The following STARD13 variants were observed in gnomAD, a reference collection of about 807,000 sequenced individuals.
STARD13 encodes the protein StAR related lipid transfer domain containing 13, also known as stAR-related lipid transfer protein 13.
A neutral mutation model predicts 106.4 loss-of-function variants in STARD13; 62 were observed. That is an observed-to-expected ratio of 0.58 (90% CI 0.48 to 0.72). The LOEUF (loss-of-function observed/expected upper bound fraction) is 0.72. Among genes scored for constraint, STARD13 ranks in the 30% least tolerant of loss-of-function variants. STARD13 has a pLI of 0.00. For missense variants in STARD13, 1,387 were observed against 1,424.0 expected (o/e 0.97, Z 0.42); for synonymous variants, 565 against 553.0 (o/e 1.02, Z -0.31).
the STARD13 span, among the ~76,000 whole-genome samples, chr13:33,443,490 T>A: frequency 6.6e-6 from 1 of 152,010 alleles, no homozygotes; most frequent in Non-Finnish European, 1.5e-5. Context: ...ACACACTCTA[T>A]TGCAACCCCG....
chr13:33,617,659 C>T, the STARD13 span, among the ~76,000 whole-genome samples: 1 of 152,116 alleles, frequency 6.6e-6, no homozygotes, highest in African/African-American at 2.4e-5. Context: ...ATAACATAAT[C>T]ATAGTAGTAA....
chr13:33,176,296 T>A (rs1884514239), intron 1 of STARD13, among the ~76,000 whole-genome samples: 1 of 152,204 alleles, frequency 6.6e-6, no homozygotes, highest in Non-Finnish European at 1.5e-5. Flanking sequence ...TGGCTCAGAG[T>A]GTAAATAAAA....
In STARD13 at chr13:33,129,857, T is replaced by C. The variant is rs777252075; in HGVS notation, c.820A>G (p.Arg274Gly). 3.1e-6 allele frequency: 5 copies of C among 1,612,754 alleles called. No homozygotes were observed. The African/African-American group carries it at 5.3e-5, about 17-fold the overall frequency. Reference sequence around the variant, plus strand: ...CCTGTCCGCCCAGACCCCTTATGCCTCCCGTGGGCTCCCTTCCCTCGGAGT... The same window carrying C: ...CCTGTCCGCCCAGACCCCTTATGCCCCCCGTGGGCTCCCTTCCCTCGGAGT... ...ETLRGKGAHG[R>G]HKGSGRTGGL... The change falls in exon 5 of 14, where the codon AGG becomes GGG. Residue 274 changes from arginine to glycine, a missense_variant. Arg to Gly is a moderately radical substitution (Grantham distance 125). Transcript: ENST00000336934.
the STARD13 span, among the ~76,000 whole-genome samples, chr13:33,525,677 A>G: frequency 6.6e-6 from 1 of 152,130 alleles, no homozygotes; most frequent in African/African-American, 2.4e-5. Flanking sequence ...AGAAGCCTCT[A>G]CTGCAATGTT....
At chr13:33,298,084 G>A (rs1397340990) in intron 1 of STARD13, among the ~76,000 whole-genome samples, 1 of 144,150 alleles carries the variant, frequency 6.9e-6, no homozygotes, top group East Asian at 2.1e-4. Context: ...AGTTTTACTT[G>A]TGTCTCTATG....
At chr13:33,672,978 C>T in the STARD13 span, among the ~76,000 whole-genome samples, 1 of 152,108 alleles carries the variant, frequency 6.6e-6, no homozygotes, top group Non-Finnish European at 1.5e-5. Flanking sequence ...TAGAATATTG[C>T]CAATTTAAGG....
rs1878180835 is a variant in STARD13 at position 33,130,807 on chromosome 13, C to T, written c.388-518G>A. On this transcript the variant is annotated intron_variant, in intron 4 of 13. Coordinates refer to ENST00000336934, the MANE Select transcript of STARD13 (RefSeq NM_178006.4). The surrounding 1 kb of genome is among the most constrained non-coding windows in gnomAD (Gnocchi z 4.1). Reference sequence around the variant, plus strand: ...ACACTCCTTATTTTAGTCCCCTGCACTTGATTCTTATCGTGTATTCCCTGG... The same window carrying T: ...ACACTCCTTATTTTAGTCCCCTGCATTTGATTCTTATCGTGTATTCCCTGG... Among the ~76,000 whole-genome samples, 1 of 152,214 alleles carries T rather than the reference C, an allele frequency of 6.6e-6. No homozygotes were observed. Among genetic ancestry groups the T allele is most frequent in the Admixed American group, 6.5e-5 (1 of 15,282 alleles).
chr13:33,505,107 G>C, the STARD13 span, among the ~76,000 whole-genome samples: 1 of 152,212 alleles, frequency 6.6e-6, no homozygotes, highest in Non-Finnish European at 1.5e-5. Context: ...TGTAAGCAGA[G>C]ACTGGGAATA....
At chr13:33,289,434 C>T (rs111692913), upstream of STARD13, among the ~76,000 whole-genome samples, 76 of 152,298 alleles carry the variant, frequency 5.0e-4, no homozygotes, top group African/African-American at 1.7e-3. Context: ...TTAATCTCCA[C>T]AGCTATCACT....
chr13:33,214,077 G>A (rs891756860), intron 1 of STARD13, among the ~76,000 whole-genome samples: 1 of 152,046 alleles, frequency 6.6e-6, no homozygotes, highest in African/African-American at 2.4e-5. Flanking sequence ...TTTCATTCGG[G>A]GTTCGCATCA....
chr13:33,503,277 T>C, the STARD13 span, among the ~76,000 whole-genome samples: 1 of 152,194 alleles, frequency 6.6e-6, no homozygotes, highest in Non-Finnish European at 1.5e-5. Flanking sequence ...TCTCTTTTCT[T>C]CTTTATTAGT....
chr13:33,507,986 C>G, the STARD13 span, among the ~76,000 whole-genome samples: 1 of 152,060 alleles, frequency 6.6e-6, no homozygotes, highest in Admixed American at 6.6e-5. Flanking sequence ...GTAAGTGGGC[C>G]TGTGCAGTTC....
chr13:33,178,353 T>A (rs576251132), intron 1 of STARD13, among the ~76,000 whole-genome samples: 1 of 152,180 alleles, frequency 6.6e-6, no homozygotes, highest in Non-Finnish European at 1.5e-5. Flanking sequence ...GGGTTAAAAA[T>A]AATAAATCCA....
chr13:33,234,320 C>T (rs1283850507), intron 1 of STARD13, among the ~76,000 whole-genome samples: 2 of 152,150 alleles, frequency 1.3e-5, no homozygotes, highest in African/African-American at 4.8e-5. Flanking sequence ...GAAAATGCTC[C>T]TGAGGATACA....
chr13:33,253,090 C>T (rs983997647), intron 1 of STARD13, among the ~76,000 whole-genome samples: 3 of 152,146 alleles, frequency 2.0e-5, no homozygotes, highest in African/African-American at 7.2e-5. Context: ...TTCCATGAAC[C>T]AGAAAAGAGC....
the STARD13 span, among the ~76,000 whole-genome samples, chr13:33,446,470 T>G: frequency 6.6e-6 from 1 of 152,150 alleles, no homozygotes; most frequent in Non-Finnish European, 1.5e-5. Flanking sequence ...TATATAGTTT[T>G]AAATATACTT....
At chr13:33,380,471 A>ACC in the STARD13 span, among the ~76,000 whole-genome samples, 1 of 67,456 alleles carries the variant, frequency 1.5e-5, no homozygotes, top group Admixed American at 1.9e-4. Flanking sequence ...ACACACCCCC[A>ACC]CCCCCCACCC....
At chr13:33,563,096 G>T in the STARD13 span, among the ~76,000 whole-genome samples, 1 of 146,126 alleles carries the variant, frequency 6.8e-6, no homozygotes, top group Admixed American at 7.0e-5. Flanking sequence ...ATTGAAGAGG[G>T]CACAAAAAAA....
chr13:33,453,934 G>T, the STARD13 span, among the ~76,000 whole-genome samples: 1 of 152,194 alleles, frequency 6.6e-6, no homozygotes, highest in African/African-American at 2.4e-5. Context: ...GGCTTAAAAA[G>T]TAAAACTGAT....
Sources: allele counts gnomAD v4.1 joint callset (sites outside exome capture counted in the v4.1 genomes callset), GRCh38; gene constraint gnomAD v4.1.1; non-coding constraint Gnocchi (gnomAD v3.1); transcripts MANE v1.5; gene names NCBI Gene and HGNC (gene_info 2026-07-23, HGNC 2026-07-21).